SLC26A7: variants seen among roughly 807,000 people sequenced by gnomAD.
SLC26A7 encodes solute carrier family 26 member 7.
Under a neutral mutation model 82.5 loss-of-function variants are expected in SLC26A7, and 59 were observed. The ratio of observed to expected loss-of-function variants is 0.72; its 90% CI spans 0.58 to 0.89. The LOEUF (loss-of-function observed/expected upper bound fraction) is 0.89, where lower values mean the gene tolerates loss of function less well. SLC26A7 is among the 40% of genes least tolerant of loss of function. The probability of loss-of-function intolerance (pLI) is 0.00; values close to 1 mark genes in which losing one functional copy is unlikely to be tolerated. For synonymous variants in SLC26A7, 271 were observed against 274.3 expected, an observed-to-expected ratio of 0.99 and a Z score of 0.12; for missense variants, 820 against 793.0, an observed-to-expected ratio of 1.03 and a Z score of -0.41.
Position 91,396,981 on chromosome 8 carries a change from A to G in SLC26A7, c.*1884A>G, listed in dbSNP as rs1252984159. On this transcript the variant is annotated 3_prime_UTR_variant, in exon 19 of 19. Coordinates refer to ENST00000276609, the MANE Select transcript of SLC26A7 (RefSeq NM_052832.4). ...TAATGCAGGCACTTTCTAATTTATT[A>G]GAGATTATGGATCAGTTCTGACATT... The G allele has an allele frequency of 6.6e-6, 1 of 152,100 alleles. No homozygotes were observed. The highest frequency in any genetic ancestry group is 1.5e-5 in the Non-Finnish European group (1 of 67,942). 9.4% of individuals were successfully genotyped at this position (152,100 alleles called of 1,614,324 possible). A position where few individuals can be genotyped will look rare whatever the true frequency, so the allele number is the denominator to read the frequency against.
rs542674340 is a variant in SLC26A7, at chr8:91,290,015, T to A, written c.304+769T>A. Among the ~76,000 whole-genome samples, 9 of 152,308 alleles carry A rather than the reference T, an allele frequency of 5.9e-5. No homozygotes were observed. In the South Asian group the frequency reaches 1.2e-3, roughly 21 times the overall value. On this transcript the variant is annotated intron_variant, in intron 3 of 18. Coordinates refer to ENST00000276609, the MANE Select transcript of SLC26A7 (RefSeq NM_052832.4). ...AGCAAAATTACCTTCCAAATTCTAATGATTATAGTGAGAACTAGATAATTG... is the reference window on the plus strand; with the variant it reads ...AGCAAAATTACCTTCCAAATTCTAAAGATTATAGTGAGAACTAGATAATTG...
At position 91,352,943 on chromosome 8, in the gene SLC26A7, C is replaced by A; in HGVS notation, c.1261C>A (p.Leu421Ile). Residue 421 changes from leucine (L) to isoleucine (I), a missense_variant, in exon 11 of 19, where the codon CTA becomes ATA. By Grantham distance (5) the Leu-to-Ile change is conservative. Coordinates refer to ENST00000276609, the MANE Select transcript of SLC26A7 (RefSeq NM_052832.4). ...SIIVVGLKGM[L>I]IQFRDLKKYW... Reference sequence around the variant, plus strand: ...TATTGTTGTGGGACTGAAGGGAATGCTAATACAGTTCCGAGATTTAAAAAA... The same window carrying A: ...TATTGTTGTGGGACTGAAGGGAATGATAATACAGTTCCGAGATTTAAAAAA... 6.2e-7 allele frequency: 1 copy of A among 1,608,552 alleles called. No homozygotes were observed. The highest frequency in any genetic ancestry group is 1.1e-5 in the South Asian group (1 of 90,242).
At chr8:91,219,742 C>T (rs565833541) in intron 2 of SLC26A7, among the ~76,000 whole-genome samples, 2 of 152,278 alleles carry the variant, frequency 1.3e-5, no homozygotes, top group Admixed American at 6.5e-5. Flanking sequence ...TATCTGGCTC[C>T]ACTCCAGAAG....
chr8:91,306,736 G>A (rs1325093125), intron 4 of SLC26A7, among the ~76,000 whole-genome samples: 1 of 150,270 alleles, frequency 6.7e-6, no homozygotes, highest in Non-Finnish European at 1.5e-5. Context: ...TTGAGACAGA[G>A]TCTCACTCTG....
chr8:91,355,570 C>A (rs2130860791), intron 11 of SLC26A7, among the ~76,000 whole-genome samples: 1 of 151,836 alleles, frequency 6.6e-6, no homozygotes, highest in East Asian at 1.9e-4. Context: ...CATTCATTTT[C>A]TTTCCTGAAT....
intron 14 of SLC26A7, among the ~76,000 whole-genome samples, chr8:91,368,537 G>T (rs1177153736): frequency 6.6e-6 from 1 of 151,668 alleles, no homozygotes; most frequent in African/African-American, 2.4e-5. Context: ...TCCTGCCTCA[G>T]CCTCCAGAGT....
chr8:91,211,853 G>C lies in SLC26A7; in HGVS notation c.-150+2311G>C, dbSNP rs910377092. Among the ~76,000 whole-genome samples, 30 of 151,766 alleles carry C rather than the reference G, an allele frequency of 2.0e-4. 1 individual carries two copies. Among genetic ancestry groups the C allele is most frequent in the Non-Finnish European group, 1.0e-4 (7 of 67,880 alleles). On this transcript the variant is annotated intron_variant, in intron 1 of 5. Coordinates refer to the SLC26A7 transcript ENST00000522862. ...AGGAGGGAGACACTGGATGATAAAT[G>C]GGTCTTTATTCTCAACATAAAACAC...
chr8:91,221,287 C>T (rs554698948), intron 2 of SLC26A7, among the ~76,000 whole-genome samples: 42 of 152,090 alleles, frequency 2.8e-4, no homozygotes, highest in African/African-American at 1.0e-3. Context: ...TCAGATGGGT[C>T]GATTGCAAAA....
At position 91,398,139 on chromosome 8, in the gene SLC26A7, T is replaced by C. The variant is rs1808622796; in HGVS notation, c.*3042T>C. The C allele has an allele frequency of 6.6e-6, 1 of 152,584 alleles. No homozygotes were observed. The highest frequency in any genetic ancestry group is 1.5e-5 in the Non-Finnish European group (1 of 67,988). 9.5% of individuals were successfully genotyped at this position (152,584 alleles called of 1,614,324 possible). On this transcript the variant is annotated 3_prime_UTR_variant, in exon 19 of 19. Coordinates refer to ENST00000276609, the MANE Select transcript of SLC26A7 (RefSeq NM_052832.4). ...TACATGGAAATAAATCGAAATATGA[T>C]AACTATTATGCTTAAATGGATTTGC... is the stretch of plus-strand genomic sequence containing the variant.
intron 4 of SLC26A7, among the ~76,000 whole-genome samples, chr8:91,297,924 G>T (rs1812058637): frequency 6.6e-6 from 1 of 152,084 alleles, no homozygotes; most frequent in African/African-American, 2.4e-5. Context: ...GAATTATTTA[G>T]GTTAATAAGA....
chr8:91,261,256 A>G (rs1182897798), intron 2 of SLC26A7, among the ~76,000 whole-genome samples: 1 of 152,164 alleles, frequency 6.6e-6, no homozygotes, highest in Non-Finnish European at 1.5e-5. Flanking sequence ...GTTCTTGGAA[A>G]GCGATAGAGG....
chr8:91,359,921 A>G (rs557559546), intron 11 of SLC26A7, among the ~76,000 whole-genome samples: 2 of 151,876 alleles, frequency 1.3e-5, no homozygotes, highest in East Asian at 3.9e-4. Flanking sequence ...AACTAATTTG[A>G]AGGTTTAAAG....
intron 2 of SLC26A7, among the ~76,000 whole-genome samples, chr8:91,276,111 T>C (rs973055046): frequency 2.0e-5 from 3 of 152,200 alleles, no homozygotes; most frequent in African/African-American, 7.2e-5. Context: ...CCCACATGCA[T>C]GGTGTGATGT....
intron 2 of SLC26A7, among the ~76,000 whole-genome samples, chr8:91,286,426 A>G (rs372338491): frequency 6.6e-6 from 1 of 152,326 alleles, no homozygotes; most frequent in African/African-American, 2.4e-5. Flanking sequence ...TCAGCCTTAC[A>G]TTACCATTAA....
At chr8:91,387,263 A>T (rs909364330) in intron 15 of SLC26A7, among the ~76,000 whole-genome samples, 1 of 152,238 alleles carries the variant, frequency 6.6e-6, no homozygotes, top group Non-Finnish European at 1.5e-5. Context: ...AAATATAAAT[A>T]AAAGCCTCTG....
chr8:91,331,376 T>C (rs1424692698), intron 5 of SLC26A7, among the ~76,000 whole-genome samples: 1 of 152,194 alleles, frequency 6.6e-6, no homozygotes, highest in Non-Finnish European at 1.5e-5. Flanking sequence ...ACTATATGTA[T>C]ACATGTAACC....
chr8:91,266,949 C>T (rs1051027663), intron 2 of SLC26A7, among the ~76,000 whole-genome samples: 3 of 151,712 alleles, frequency 2.0e-5, no homozygotes, highest in Non-Finnish European at 3.0e-5. Context: ...TGTCATGAAG[C>T]GACATTGAAT....
chr8:91,258,226 T>G (rs552398145), intron 2 of SLC26A7, among the ~76,000 whole-genome samples: 1 of 152,120 alleles, frequency 6.6e-6, no homozygotes, highest in Admixed American at 6.5e-5. Flanking sequence ...TATTGGTTAA[T>G]TGTAGGAATA....
At chr8:91,342,535 C>T (rs1462855071) in intron 8 of SLC26A7, among the ~76,000 whole-genome samples, 2 of 152,230 alleles carry the variant, frequency 1.3e-5, no homozygotes, top group South Asian at 2.1e-4. Context: ...ATATGGGTGC[C>T]ATTCGGGAAA....
Sources: gnomAD v4.1 joint callset for allele counts (sites outside exome capture counted in the v4.1 genomes callset) on GRCh38, gnomAD v4.1.1 for gene constraint, MANE v1.5 for transcripts, NCBI Gene and HGNC (gene_info 2026-07-23, HGNC 2026-07-21) for gene names.